The following BCAS3 variants were observed in gnomAD, a reference collection of about 807,000 sequenced individuals.
The protein encoded by BCAS3 is BCAS4/BCAS3 fusion.
In BCAS3, 53 loss-of-function variants were observed where a neutral mutation model predicts 116.1. The observed-to-expected ratio is 0.46, with a 90% CI of 0.37 to 0.57. The LOEUF (loss-of-function observed/expected upper bound fraction) is 0.57, where lower values mean the gene tolerates loss of function less well. Ranked by LOEUF, BCAS3 falls within the 20% of genes least tolerant of loss-of-function variation. The probability of loss-of-function intolerance (pLI) is 0.00; values close to 1 mark genes in which losing one functional copy is unlikely to be tolerated. For missense variants in BCAS3, 917 were observed against 1,165.4 expected (o/e 0.79, Z 3.10); for synonymous variants, 391 against 408.2 (o/e 0.96, Z 0.51).
intron 11 of BCAS3, among the ~76,000 whole-genome samples, chr17:60,907,831 G>T (rs1316209284): frequency 1.3e-5 from 2 of 151,980 alleles, no homozygotes; most frequent in Non-Finnish European, 2.9e-5. Flanking sequence ...TACATACTCT[G>T]TCTACTAAAA....
At chr17:60,784,788 A>C (rs543106320) in intron 6 of BCAS3, among the ~76,000 whole-genome samples, 1 of 152,086 alleles carries the variant, frequency 6.6e-6, no homozygotes, top group African/African-American at 2.4e-5. Flanking sequence ...CTCAGCAAGC[A>C]ATATTTAGTA....
Position 61,029,630 on chromosome 17 carries a change from A to G in BCAS3, c.1638-5036A>G, listed in dbSNP as rs1805776642. On this transcript the variant is annotated intron_variant, in intron 16 of 23. Coordinates refer to ENST00000407086, the MANE Select transcript of BCAS3 (RefSeq NM_017679.5). This position sits in a 1 kb window ranked among gnomAD's most constrained non-coding sequence, Gnocchi z 5.2. ...GTAGTGTTGTATTTAAGCTACTGTT[A>G]TTTTTGAATTGCTTATCAAAAAACA... 6.6e-6 allele frequency among the ~76,000 whole-genome samples: 1 copy of G among 151,986 alleles called. No homozygotes were observed. The highest frequency in any genetic ancestry group is 2.4e-5 in the African/African-American group (1 of 41,428).
chr17:60,780,621 A>C (rs1444743166), intron 6 of BCAS3, among the ~76,000 whole-genome samples: 1 of 152,122 alleles, frequency 6.6e-6, no homozygotes, highest in African/African-American at 2.4e-5. Context: ...CTTTTTTGTC[A>C]TGTTAGTACT....
intron 11 of BCAS3, among the ~76,000 whole-genome samples, chr17:60,903,259 G>A (rs1480073930): frequency 1.3e-5 from 2 of 152,162 alleles, no homozygotes; most frequent in Non-Finnish European, 2.9e-5. Context: ...ATAATAGAAA[G>A]CACAACCATT....
chr17:61,319,896 A>T (rs1393924211), intron 22 of BCAS3, among the ~76,000 whole-genome samples: 209 of 134,550 alleles, frequency 1.6e-3, no homozygotes, highest in African/African-American at 4.2e-3. Flanking sequence ...TTTATTTTTT[A>T]TTTTTTTTTT....
At position 61,262,691 on chromosome 17, in the gene BCAS3, AT is replaced by A. The variant is rs556925842; in HGVS notation, c.2426-105618del. On this transcript the variant is annotated intron_variant, in intron 22 of 23. Transcript: ENST00000407086. ...CCACCTTGCCCGGCCAGGAGACTTA[AT>A]TTTTTTTTTTTTTTTTTGAGACAGA... 4.7e-3 allele frequency among the ~76,000 whole-genome samples: 624 copies of A among 132,788 alleles called. 1 individual carries two copies. Among genetic ancestry groups the A allele is most frequent in the African/African-American group, 9.4e-3 (338 of 35,814 alleles). The allele number at this position is 132,788 out of a possible 152,430, so 87.1% of individuals were successfully genotyped here.
rs117185848 is a variant in BCAS3 at position 61,101,620 on chromosome 17, A to T, written c.2425+17056A>T. On this transcript the variant is annotated intron_variant, in intron 22 of 23. Transcript: ENST00000407086. Reference sequence around the variant, plus strand: ...TATGAGTGAGGATTCCCAATGGACCATTGTACACTACAATATTTATTACTA... The same window carrying T: ...TATGAGTGAGGATTCCCAATGGACCTTTGTACACTACAATATTTATTACTA... 3.4e-3 allele frequency among the ~76,000 whole-genome samples: 525 copies of T among 152,266 alleles called. 1 individual carries two copies. The highest frequency in any genetic ancestry group is 6.1e-3 in the Non-Finnish European group (417 of 67,972).
chr17:60,938,742 A>ATAGG (rs2060074305), intron 13 of BCAS3, among the ~76,000 whole-genome samples: 2 of 152,228 alleles, frequency 1.3e-5, no homozygotes, highest in East Asian at 3.9e-4. Flanking sequence ...AGATAGATAG[A>ATAGG]TAGATAGATA....
chr17:60,913,694 G>GT (rs910220765), intron 12 of BCAS3, among the ~76,000 whole-genome samples: 1 of 152,068 alleles, frequency 6.6e-6, no homozygotes, highest in Non-Finnish European at 1.5e-5. Flanking sequence ...GACTTTTGCT[G>GT]TTTAAATCCC....
At chr17:60,907,471 T>C (rs2058247052) in intron 11 of BCAS3, among the ~76,000 whole-genome samples, 2 of 152,192 alleles carry the variant, frequency 1.3e-5, no homozygotes, top group Admixed American at 1.3e-4. Flanking sequence ...GGAGGCCAAC[T>C]GATATGGCAT....
At chr17:60,952,932 C>CA (rs1174285325) in intron 14 of BCAS3, among the ~76,000 whole-genome samples, 5 of 151,862 alleles carry the variant, frequency 3.3e-5, no homozygotes, top group African/African-American at 1.2e-4. Flanking sequence ...CACGTTCCTG[C>CA]AAAGACATGA....
intron 5 of BCAS3, among the ~76,000 whole-genome samples, chr17:60,732,067 G>A (rs1423995771): frequency 6.6e-6 from 1 of 151,940 alleles, no homozygotes; most frequent in Non-Finnish European, 1.5e-5. Flanking sequence ...GAGCCACCGC[G>A]CCCGGCCAGC....
chr17:61,170,852 A>G (rs529832684), intron 22 of BCAS3, among the ~76,000 whole-genome samples: 21 of 152,130 alleles, frequency 1.4e-4, no homozygotes, highest in Non-Finnish European at 2.6e-4. Flanking sequence ...GAGAGAGAAC[A>G]TTCTAGAGAT....
At position 61,379,059 on chromosome 17, in the gene BCAS3, T is replaced by A. The variant is rs3785839; in HGVS notation, c.2593+10565T>A. The A allele has an allele frequency of 0.88, 134,226 of 152,312 alleles. 59,652 individuals are homozygous for A. Among genetic ancestry groups the A allele is most frequent in the Non-Finnish European group, 0.94 (63,896 of 68,094 alleles). The allele number at this position is 152,312 out of a possible 1,614,324, so 9.4% of individuals were successfully genotyped here. ...ACATGAAAGCAGGAATTACTGTGGA[T>A]AGGCACAGGCTTGGACTGAGGGGCT... is the stretch of plus-strand genomic sequence containing the variant. On this transcript the variant is annotated intron_variant, in intron 23 of 23. Coordinates refer to ENST00000407086, the MANE Select transcript of BCAS3 (RefSeq NM_017679.5). The surrounding 1 kb of genome is among the most constrained non-coding windows in gnomAD (Gnocchi z 5.5).
At chr17:60,781,640 A>G (rs1362460578) in intron 6 of BCAS3, among the ~76,000 whole-genome samples, 2 of 151,566 alleles carry the variant, frequency 1.3e-5, no homozygotes, top group Non-Finnish European at 2.9e-5. Context: ...AGACTGCCTT[A>G]TACTTACTCA....
intron 7 of BCAS3, among the ~76,000 whole-genome samples, chr17:60,808,391 T>C (rs1263945381): frequency 1.3e-5 from 2 of 152,196 alleles, no homozygotes; most frequent in African/African-American, 4.8e-5. Flanking sequence ...CAAGGAAAGC[T>C]AGGAATGATT....
intron 22 of BCAS3, among the ~76,000 whole-genome samples, chr17:61,268,759 T>C (rs1274844955): frequency 6.6e-6 from 1 of 152,080 alleles, no homozygotes; most frequent in Non-Finnish European, 1.5e-5. Context: ...AGTTTCACCA[T>C]TTTGGCCAGG....
intron 7 of BCAS3, among the ~76,000 whole-genome samples, chr17:60,862,693 C>T (rs1162340057): frequency 6.6e-6 from 1 of 152,072 alleles, no homozygotes; most frequent in Admixed American, 6.6e-5. Flanking sequence ...ACTCTGTTGC[C>T]CACACTGGAG....
intron 22 of BCAS3, among the ~76,000 whole-genome samples, chr17:61,341,048 A>G (rs1475793309): frequency 1.3e-5 from 2 of 152,224 alleles, no homozygotes; most frequent in African/African-American, 4.8e-5. Context: ...TGACAGGGTC[A>G]TCTGTGTGAG....
Sources: allele counts gnomAD v4.1 joint callset (sites outside exome capture counted in the v4.1 genomes callset), GRCh38; gene constraint gnomAD v4.1.1; non-coding constraint Gnocchi (gnomAD v3.1); transcripts MANE v1.5; gene names NCBI Gene and HGNC (gene_info 2026-07-23, HGNC 2026-07-21).